CCM2: variants seen among roughly 807,000 people sequenced by gnomAD.
The protein encoded by CCM2 is cerebral cavernous malformations 2 protein.
In CCM2, 25 loss-of-function variants were observed where a neutral mutation model predicts 44.9. The observed-to-expected ratio is 0.56, with a 90% CI of 0.41 to 0.78. The LOEUF (loss-of-function observed/expected upper bound fraction) is 0.78, where lower values mean the gene tolerates loss of function less well. Among genes scored for constraint, CCM2 ranks in the 30% least tolerant of loss-of-function variants. CCM2 has a pLI of 0.00. For synonymous variants in CCM2, 219 were observed against 241.1 expected, an observed-to-expected ratio of 0.91 and a Z score of 0.85; for missense variants, 481 against 580.6, an observed-to-expected ratio of 0.83 and a Z score of 1.76.
intron 4 of CCM2, among the ~76,000 whole-genome samples, chr7:45,066,514 C>T (rs1385199735): frequency 6.6e-6 from 1 of 152,202 alleles, no homozygotes; most frequent in African/African-American, 2.4e-5. Context: ...GAATAGCTAA[C>T]GTTTACTTGG....
At chr7:45,044,337 C>T (rs185652337) in intron 2 of CCM2, among the ~76,000 whole-genome samples, 1 of 152,106 alleles carries the variant, frequency 6.6e-6, no homozygotes, top group African/African-American at 2.4e-5. Flanking sequence ...GGGGTTTCAC[C>T]GTGTTGGTCA....
intron 2 of CCM2, among the ~76,000 whole-genome samples, chr7:45,046,082 T>G (rs1417714167): frequency 2.0e-5 from 3 of 152,328 alleles, no homozygotes; most frequent in East Asian, 3.9e-4. Context: ...ACCAACTCCT[T>G]GAAAAGCACA....
intron 2 of CCM2, among the ~76,000 whole-genome samples, chr7:45,049,902 T>A (rs772354041): frequency 4.1e-4 from 62 of 152,142 alleles, no homozygotes; most frequent in Non-Finnish European, 3.1e-4. Flanking sequence ...AATACAAATT[T>A]AAAAAATACA....
intron 2 of CCM2, among the ~76,000 whole-genome samples, chr7:45,054,592 G>T (rs1193650562): frequency 6.6e-6 from 1 of 152,166 alleles, no homozygotes; most frequent in Non-Finnish European, 1.5e-5. Context: ...TGAGGAGGTG[G>T]TGAGCCTGCC....
At position 45,068,460 on chromosome 7, in the gene CCM2, TC is replaced by T. The variant is rs1359201189; in HGVS notation, c.495del (p.Ser166AlafsTer48). On this transcript the variant is annotated frameshift_variant, in exon 5 of 10. Coordinates refer to ENST00000258781, the MANE Select transcript of CCM2 (RefSeq NM_031443.4). LOFTEE classifies it high-confidence loss of function. The stretch of plus-strand genomic sequence containing the variant: ...CTTCTCAGCCCAGGACCCAGGGATC[TC>T]CCCCAGCCAGAGTCTGTGTGCGGAA... The part of the protein sequence containing the change: ...VLKTAQDPGI[S>X]PSQSLCAESS... The T allele has an allele frequency of 6.2e-7, 1 of 1,613,916 alleles. No homozygotes were observed.
chr7:45,071,883 A>G, intron 6 of CCM2: 2 of 456,470 alleles, frequency 4.4e-6, no homozygotes, highest in South Asian at 1.5e-5. Flanking sequence ...GTCAGCTGAT[A>G]AGCATCCTTT....
chr7:45,024,211 G>A (rs1382289616), intron 1 of CCM2, among the ~76,000 whole-genome samples: 1 of 152,152 alleles, frequency 6.6e-6, no homozygotes, highest in East Asian at 1.9e-4. Context: ...AGTCTCTTCA[G>A]CTGATTATAA....
chr7:45,043,399 A>G (rs980946782), intron 2 of CCM2, among the ~76,000 whole-genome samples: 2 of 152,228 alleles, frequency 1.3e-5, no homozygotes, highest in Admixed American at 6.5e-5. Flanking sequence ...TAGGTAACAT[A>G]TTCAGCAATA....
chr7:45,000,678 AG>A (rs1334354544), intron 1 of CCM2, among the ~76,000 whole-genome samples: 1 of 152,224 alleles, frequency 6.6e-6, no homozygotes, highest in African/African-American at 2.4e-5. Context: ...AAAGCTGTCC[AG>A]GGCTGGAACT....
intron 1 of CCM2, among the ~76,000 whole-genome samples, chr7:45,014,189 G>C (rs1796170898): frequency 6.6e-6 from 1 of 151,952 alleles, no homozygotes; most frequent in South Asian, 2.1e-4. Flanking sequence ...GCCCAGGCCG[G>C]AGTGCAGTGG....
chr7:45,028,501 C>CA (rs1796795520), intron 1 of CCM2, among the ~76,000 whole-genome samples: 1 of 152,100 alleles, frequency 6.6e-6, no homozygotes, highest in South Asian at 2.1e-4. Flanking sequence ...ACTAAAAATA[C>CA]AAAAAAATTG....
chr7:45,015,111 C>T (rs1796214491), intron 1 of CCM2, among the ~76,000 whole-genome samples: 1 of 152,154 alleles, frequency 6.6e-6, no homozygotes, highest in Non-Finnish European at 1.5e-5. Flanking sequence ...AGGAGTCCTC[C>T]TTGCTTTTAG....
At chr7:45,018,764 CT>C (rs531985553) in intron 1 of CCM2, among the ~76,000 whole-genome samples, 12,848 of 139,634 alleles carry the variant, frequency 0.092, 1,097 homozygotes, top group African/African-American at 0.24. Flanking sequence ...TTAAGAATTT[CT>C]TTTTTTTTTT....
At chr7:45,028,462 T>TGGATCAC (rs1380030927) in intron 1 of CCM2, among the ~76,000 whole-genome samples, 28 of 152,108 alleles carry the variant, frequency 1.8e-4, no homozygotes, top group African/African-American at 6.5e-4. Flanking sequence ...TCAAGACCAT[T>TGGATCAC]CTGACTAACA....
At chr7:45,050,856 G>A (rs1413216829) in intron 2 of CCM2, among the ~76,000 whole-genome samples, 1 of 152,166 alleles carries the variant, frequency 6.6e-6, no homozygotes, top group Non-Finnish European at 1.5e-5. Flanking sequence ...CTGAAACTGG[G>A]GATCATGTTC....
rs72447972 is a variant in CCM2, at chr7:45,063,077, CTTTT to C, written c.205-832_205-829del. The C allele has an allele frequency of 9.6e-3, 1,407 of 146,598 alleles. 23 individuals are homozygous for C. The highest frequency in any genetic ancestry group is 0.032 in the African/African-American group (1,284 of 39,892). 9.1% of individuals were successfully genotyped at this position (146,598 alleles called of 1,614,324 possible). A position where few individuals can be genotyped will look rare whatever the true frequency, so the allele number is the denominator to read the frequency against. The stretch of plus-strand genomic sequence containing the variant: ...CGTGGCCTAATCAGCTCTTTTCTTT[CTTTT>C]TTTTTTTTGAGATGGAGTTTTGCTC... On this transcript the variant is annotated intron_variant, in intron 2 of 9. Transcript: ENST00000258781.
intron 1 of CCM2, 91 bp downstream of exon 1, chr7:45,000,454 CG>C (rs1324793160): frequency 0.021 from 1,710 of 80,686 alleles, 5 homozygotes; most frequent in Middle Eastern, 0.029. Flanking sequence ...CCTTGGGGCC[CG>C]GGGGGGGGGG....
intron 1 of CCM2, among the ~76,000 whole-genome samples, chr7:45,009,978 T>C (rs745425288): frequency 2.6e-4 from 39 of 151,974 alleles, no homozygotes; most frequent in Non-Finnish European, 1.3e-4. Context: ...GGTGCAATCA[T>C]GGCACACTGC....
intron 1 of CCM2, among the ~76,000 whole-genome samples, chr7:45,033,199 C>G (rs1409298174): frequency 1.3e-5 from 2 of 152,126 alleles, no homozygotes. Context: ...CCTACTATTT[C>G]TCACTGCCTA....
Sources: gnomAD v4.1 joint callset for allele counts (sites outside exome capture counted in the v4.1 genomes callset) on GRCh38, gnomAD v4.1.1 for gene constraint, MANE v1.5 for transcripts, NCBI Gene and HGNC (gene_info 2026-07-23, HGNC 2026-07-21) for gene names.